Variants in ATOSB observed in about 807,000 individuals in gnomAD.
The protein encoded by ATOSB is atos homolog protein B.
chr9:35,112,836 A>C, the ATOSB span, among the ~76,000 whole-genome samples: 2 of 151,088 alleles, frequency 1.3e-5, no homozygotes, highest in South Asian at 4.2e-4. Context: ...TGTGCTGTGG[A>C]CCCCCCAGGG....
chr9:35,108,303 C>T, the ATOSB span: 108 of 1,513,996 alleles, frequency 7.1e-5, no homozygotes, highest in Admixed American at 6.6e-5. Context: ...GGGGGGCCCC[C>T]CAACACGGCC....
At chr9:35,106,254 G>C in the ATOSB span, 1 of 1,613,592 alleles carries the variant, frequency 6.2e-7, no homozygotes. This position sits in a 1 kb window ranked among gnomAD's most constrained non-coding sequence, Gnocchi z 4.6. Context: ...AGGCATACCA[G>C]GAAGGGAGCC....
the ATOSB span, chr9:35,106,824 G>C: frequency 6.4e-7 from 1 of 1,565,506 alleles, no homozygotes; most frequent in African/African-American, 1.4e-5. The surrounding 1 kb of genome is among the most constrained non-coding windows in gnomAD (Gnocchi z 4.6). Flanking sequence ...GAAAAAGCTG[G>C]TCACTTACAG....
chr9:35,105,326 G>C, the ATOSB span: 1 of 1,614,138 alleles, frequency 6.2e-7, no homozygotes, highest in Non-Finnish European at 8.5e-7. The surrounding 1 kb of genome is among the most constrained non-coding windows in gnomAD (Gnocchi z 5.5). Flanking sequence ...AAAAAAGCAG[G>C]CGGATATCTC....
the ATOSB span, among the ~76,000 whole-genome samples, chr9:35,115,519 T>A: frequency 2.4e-5 from 3 of 127,202 alleles, no homozygotes; most frequent in African/African-American, 9.0e-5. Flanking sequence ...ACAGCCCCCC[T>A]TCCTTCAAAG....
chr9:35,111,966 C>T, the ATOSB span, among the ~76,000 whole-genome samples: 1 of 152,282 alleles, frequency 6.6e-6, no homozygotes, highest in South Asian at 2.1e-4. Context: ...TTTAAAGATA[C>T]GGTTTGACAA....
At chr9:35,107,493 G>C in the ATOSB span, 1 of 1,607,270 alleles carries the variant, frequency 6.2e-7, no homozygotes, top group Non-Finnish European at 8.5e-7. Context: ...CCTCCGAGGG[G>C]CTGGCCCCTC....
At chr9:35,107,269 G>T in the ATOSB span, 3 of 1,297,038 alleles carry the variant, frequency 2.3e-6, no homozygotes, top group Non-Finnish European at 3.1e-6. Context: ...GTTGCAGTCA[G>T]CTGAGATTGT....
the ATOSB span, chr9:35,108,152 C>T: frequency 6.3e-7 from 1 of 1,580,124 alleles, no homozygotes; most frequent in Non-Finnish European, 8.6e-7. Flanking sequence ...GGGATGTCGC[C>T]CCCCCTGCTG....
chr9:35,106,770 A>G, the ATOSB span: 1 of 1,534,554 alleles, frequency 6.5e-7, no homozygotes, highest in Non-Finnish European at 8.8e-7. This position sits in a 1 kb window ranked among gnomAD's most constrained non-coding sequence, Gnocchi z 4.6. Flanking sequence ...CGGATGCTGG[A>G]AAGAGTACAG....
chr9:35,106,966 C>G, the ATOSB span: 1 of 1,337,770 alleles, frequency 7.5e-7, no homozygotes. This position sits in a 1 kb window ranked among gnomAD's most constrained non-coding sequence, Gnocchi z 4.6. Flanking sequence ...TCATCACAAA[C>G]TCTCAAAGGA....
the ATOSB span, chr9:35,108,003 A>T: frequency 2.5e-6 from 4 of 1,575,332 alleles, no homozygotes; most frequent in Non-Finnish European, 3.4e-6. Context: ...TTCAGGGGGT[A>T]GTCCCTCTCT....
chr9:35,111,908 T>C, the ATOSB span, among the ~76,000 whole-genome samples: 1 of 151,978 alleles, frequency 6.6e-6, no homozygotes, highest in African/African-American at 2.4e-5. Flanking sequence ...TCCGCCCTAC[T>C]CCCCCGCCCT....
the ATOSB span, chr9:35,106,245 G>C: frequency 6.2e-7 from 1 of 1,613,328 alleles, no homozygotes; most frequent in Non-Finnish European, 8.5e-7. The surrounding 1 kb of genome is among the most constrained non-coding windows in gnomAD (Gnocchi z 4.6). Flanking sequence ...TTGGAGTCAA[G>C]GCATACCAGG....
chr9:35,114,650 T>A, the ATOSB span, among the ~76,000 whole-genome samples: 4 of 152,034 alleles, frequency 2.6e-5, no homozygotes, highest in Non-Finnish European at 4.4e-5. Context: ...TCCCTCTTCC[T>A]CCCCTAGCTG....
the ATOSB span, chr9:35,107,255 G>A: frequency 9.5e-6 from 11 of 1,160,966 alleles, no homozygotes; most frequent in Non-Finnish European, 1.3e-5. Flanking sequence ...CCTGGGAGGA[G>A]GAGGTTGCAG....
chr9:35,108,103 C>G, the ATOSB span: 1 of 1,551,412 alleles, frequency 6.4e-7, no homozygotes, highest in Non-Finnish European at 8.7e-7. Flanking sequence ...TCAGAGGTAC[C>G]AGCCGGAGGG....
chr9:35,105,332 A>G, the ATOSB span: 16 of 1,614,122 alleles, frequency 9.9e-6, no homozygotes, highest in Admixed American at 2.5e-4. The surrounding 1 kb of genome is among the most constrained non-coding windows in gnomAD (Gnocchi z 5.5). Context: ...GCAGGCGGAT[A>G]TCTCCATGCA....
chr9:35,109,619 G>A, the ATOSB span: 3 of 152,114 alleles, frequency 2.0e-5, no homozygotes, highest in South Asian at 2.1e-4. Context: ...TGACATTCAC[G>A]GTGCTCTTTC....
Sources: gnomAD v4.1 joint callset for allele counts (sites outside exome capture counted in the v4.1 genomes callset) on GRCh38, gnomAD v4.1.1 for gene constraint, Gnocchi (gnomAD v3.1) non-coding constraint, MANE v1.5 for transcripts, NCBI Gene and HGNC (gene_info 2026-07-23, HGNC 2026-07-21) for gene names.